BLTP3B: variants seen among roughly 807,000 people sequenced by gnomAD.
The protein encoded by BLTP3B is bridge-like lipid transfer protein family member 3B.
At chr12:100,073,101 A>G in the BLTP3B span, among the ~76,000 whole-genome samples, 1 of 152,210 alleles carries the variant, frequency 6.6e-6, no homozygotes, top group Non-Finnish European at 1.5e-5. Context: ...CAGAAAAATG[A>G]TAACGATATT....
chr12:100,095,943 T>C, the BLTP3B span: 2 of 1,075,360 alleles, frequency 1.9e-6, no homozygotes, highest in Admixed American at 6.6e-5. Context: ...AAATATGGAT[T>C]CTTCCTTCAC....
At chr12:100,085,254 T>C in the BLTP3B span, among the ~76,000 whole-genome samples, 2 of 151,912 alleles carry the variant, frequency 1.3e-5, no homozygotes, top group African/African-American at 4.8e-5. Flanking sequence ...GGCTCACATC[T>C]GTAATCAATC....
At chr12:100,083,126 A>G in the BLTP3B span, 3 of 1,611,188 alleles carry the variant, frequency 1.9e-6, no homozygotes, top group Non-Finnish European at 2.5e-6. Flanking sequence ...TTCAGAGGGT[A>G]GTCCTTCTCT....
the BLTP3B span, among the ~76,000 whole-genome samples, chr12:100,124,936 T>TTATATATATATATATATATATATATA: frequency 1.8e-5 from 1 of 56,534 alleles, no homozygotes; most frequent in Non-Finnish European, 3.3e-5. Context: ...AAAAAAAATT[T>TTATATATATATATATATATATATATA]TATATATATA....
At chr12:100,039,378 A>G in the BLTP3B span, among the ~76,000 whole-genome samples, 1 of 152,208 alleles carries the variant, frequency 6.6e-6, no homozygotes, top group African/African-American at 2.4e-5. Context: ...GAAAAATCAC[A>G]AAAATACTGA....
chr12:100,140,753 T>TAA, the BLTP3B span, among the ~76,000 whole-genome samples: 78 of 106,944 alleles, frequency 7.3e-4, 2 homozygotes, highest in African/African-American at 2.8e-3. Flanking sequence ...TATATATATA[T>TAA]AAAATAAAAT....
At chr12:100,116,581 A>G in the BLTP3B span, among the ~76,000 whole-genome samples, 4 of 152,202 alleles carry the variant, frequency 2.6e-5, no homozygotes, top group African/African-American at 9.6e-5. Flanking sequence ...CAGGAACAGA[A>G]GAGAACTTCC....
chr12:100,058,209 T>G, the BLTP3B span: 3 of 1,612,904 alleles, frequency 1.9e-6, no homozygotes, highest in Non-Finnish European at 2.5e-6. Flanking sequence ...ACCATCACTA[T>G]CAAATGAAAG....
chr12:100,138,275 A>G, the BLTP3B span, among the ~76,000 whole-genome samples: 16 of 152,226 alleles, frequency 1.1e-4, no homozygotes, highest in African/African-American at 3.6e-4. Context: ...TTGGTTGTTC[A>G]GATATTCTTC....
the BLTP3B span, chr12:100,059,901 A>G: frequency 6.2e-7 from 1 of 1,612,676 alleles, no homozygotes; most frequent in African/African-American, 1.3e-5. Context: ...CAGATTTTGA[A>G]TTGTCATTCA....
the BLTP3B span, chr12:100,093,080 C>A: frequency 2.1e-6 from 1 of 478,398 alleles, no homozygotes; most frequent in Non-Finnish European, 2.7e-6. Context: ...CATTATACAA[C>A]ATGTTTCATA....
At chr12:100,111,395 G>C in the BLTP3B span, among the ~76,000 whole-genome samples, 1 of 150,042 alleles carries the variant, frequency 6.7e-6, no homozygotes. Flanking sequence ...CTGGACTCAG[G>C]TGATCCCACC....
chr12:100,044,733 T>C, the BLTP3B span, among the ~76,000 whole-genome samples: 1 of 152,166 alleles, frequency 6.6e-6, no homozygotes, highest in Admixed American at 6.5e-5. Flanking sequence ...AACACAGCAT[T>C]GGAAGTTCTG....
chr12:100,136,411 TC>T, the BLTP3B span, among the ~76,000 whole-genome samples: 3 of 152,312 alleles, frequency 2.0e-5, no homozygotes, highest in East Asian at 3.9e-4. Context: ...CAGTTAGTGA[TC>T]CTACTCATGC....
the BLTP3B span, chr12:100,059,042 A>C: frequency 6.2e-7 from 1 of 1,614,026 alleles, no homozygotes; most frequent in African/African-American, 1.3e-5. Context: ...GAGATACCTG[A>C]TTACAAGTCT....
At chr12:100,123,430 T>C in the BLTP3B span, among the ~76,000 whole-genome samples, 1 of 152,118 alleles carries the variant, frequency 6.6e-6, no homozygotes, top group African/African-American at 2.4e-5. Context: ...CACAGAAAAA[T>C]TCTGTGACCG....
chr12:100,049,094 AAAGT>A, the BLTP3B span, among the ~76,000 whole-genome samples: 7 of 152,212 alleles, frequency 4.6e-5, no homozygotes, highest in Admixed American at 3.3e-4. Flanking sequence ...GACATGGAAA[AAAGT>A]AAGGATGGAA....
chr12:100,142,722 C>T, the BLTP3B span: 5 of 1,533,496 alleles, frequency 3.3e-6, no homozygotes, highest in Non-Finnish European at 4.4e-6. Flanking sequence ...CCCGGCTAGC[C>T]CGGCCGGCGG....
the BLTP3B span, among the ~76,000 whole-genome samples, chr12:100,142,176 C>T: frequency 4.6e-5 from 7 of 152,216 alleles, no homozygotes; most frequent in Admixed American, 4.6e-4. Flanking sequence ...TTAACGGAAC[C>T]GCTCTGCTCC....
Sources: gnomAD v4.1 joint callset for allele counts (sites outside exome capture counted in the v4.1 genomes callset) on GRCh38, gnomAD v4.1.1 for gene constraint, MANE v1.5 for transcripts, NCBI Gene and HGNC (gene_info 2026-07-23, HGNC 2026-07-21) for gene names.